Variants in PTPRD observed in about 807,000 individuals in gnomAD.
PTPRD encodes the protein protein tyrosine phosphatase receptor type D.
In PTPRD, 34 loss-of-function variants were observed where a neutral mutation model predicts 214.5. The ratio of observed to expected loss-of-function variants is 0.16; its 90% CI spans 0.12 to 0.21. PTPRD has a LOEUF of 0.21. PTPRD is among the 10% of genes least tolerant of loss of function. The pLI is 1.00. For synonymous variants in PTPRD, 1,128 were observed against 845.7 expected (o/e 1.33, Z -5.79); for missense variants, 2,545 against 2,398.7 (o/e 1.06, Z -1.27).
chr9:10,018,858 T>A (rs1434515569), intron 4 of PTPRD, among the ~76,000 whole-genome samples: 1 of 152,274 alleles, frequency 6.6e-6, no homozygotes, highest in East Asian at 1.9e-4. Flanking sequence ...CAGAATTACA[T>A]TTCTAATACA....
At chr9:9,947,393 ATAT>A (rs1315620188) in intron 4 of PTPRD, among the ~76,000 whole-genome samples, 7 of 45,584 alleles carry the variant, frequency 1.5e-4, no homozygotes, top group African/African-American at 6.0e-4. Flanking sequence ...TTTTATATAC[ATAT>A]TATATATAAT....
At chr9:9,746,064 A>G (rs1294425598) in intron 6 of PTPRD, among the ~76,000 whole-genome samples, 4 of 152,178 alleles carry the variant, frequency 2.6e-5, no homozygotes, top group Admixed American at 2.6e-4. Context: ...AAGTTTCCTC[A>G]GGAAACCCAA....
intron 3 of PTPRD, among the ~76,000 whole-genome samples, chr9:10,265,891 T>C (rs1419918054): frequency 2.0e-5 from 3 of 152,200 alleles, no homozygotes; most frequent in Non-Finnish European, 4.4e-5. Flanking sequence ...AGCATTACAG[T>C]AATCTAGTTT....
rs879045110 is a variant in PTPRD, at chr9:8,499,740, C to G, written c.2229G>C (p.Gln743His). The part of the protein sequence containing the change: ...RSPVPNKQHG[Q>H]IRGYQVHYVR... ...CATAATGCACCTGATATCCTCTTAT[C>G]TGGCCATGCTGTTTATTGGGCACGG... Residue 743 changes from glutamine to histidine, a missense_variant, in exon 25 of 46, where the codon CAG becomes CAC. Coordinates refer to ENST00000381196, the MANE Select transcript of PTPRD (RefSeq NM_002839.4). The G allele has an allele frequency of 1.9e-6, 3 of 1,614,158 alleles. No individual in the cohort carries two copies. Among genetic ancestry groups the G allele is most frequent in the East Asian group, 4.5e-5 (2 of 44,868 alleles).
intron 2 of PTPRD, among the ~76,000 whole-genome samples, chr9:10,483,024 C>T (rs1167689304): frequency 2.0e-5 from 3 of 152,002 alleles, no homozygotes; most frequent in Non-Finnish European, 4.4e-5. Flanking sequence ...TCGTATGACT[C>T]AACTTCAAAT....
chr9:10,549,402 A>G (rs1387603072), intron 2 of PTPRD, among the ~76,000 whole-genome samples: 1 of 152,158 alleles, frequency 6.6e-6, no homozygotes, highest in African/African-American at 2.4e-5. Flanking sequence ...AGTTGGGAAA[A>G]TAGAAAAAAA....
intron 5 of PTPRD, among the ~76,000 whole-genome samples, chr9:9,772,986 G>T (rs1246180221): frequency 6.6e-6 from 1 of 152,108 alleles, no homozygotes; most frequent in African/African-American, 2.4e-5. Flanking sequence ...TAAGCTAAAT[G>T]CCTTATCATA....
chr9:9,622,146 A>G lies in PTPRD; in HGVS notation c.-286-47365T>C, dbSNP rs559951271. On this transcript the variant is annotated intron_variant, in intron 7 of 45. Coordinates refer to ENST00000381196, the MANE Select transcript of PTPRD (RefSeq NM_002839.4). ...TGTGATTGTTTATCAGATAGGCAAT[A>G]AAAAGGCACTAATGTTCTTCAAATT... Among the ~76,000 whole-genome samples the G allele has an allele frequency of 7.2e-5, 11 of 152,366 alleles. No individual in the cohort carries two copies. The South Asian group carries it at 2.3e-3, about 32-fold the overall frequency.
chr9:9,740,519 G>T, intron 6 of PTPRD, among the ~76,000 whole-genome samples: 2 of 104,598 alleles, frequency 1.9e-5, no homozygotes, highest in East Asian at 4.0e-4. Flanking sequence ...CACCACGCCC[G>T]GCTAATTTTT....
At chr9:8,918,430 G>C (rs555251769) in intron 11 of PTPRD, among the ~76,000 whole-genome samples, 21 of 152,068 alleles carry the variant, frequency 1.4e-4, no homozygotes, top group Non-Finnish European at 3.1e-4. Context: ...GTGGATTTGA[G>C]GGATTTTTAG....
chr9:9,961,651 G>C (rs2094373310), intron 4 of PTPRD, among the ~76,000 whole-genome samples: 1 of 152,122 alleles, frequency 6.6e-6, no homozygotes, highest in Non-Finnish European at 1.5e-5. Flanking sequence ...TTATGACAGA[G>C]TGTGGGAAGC....
intron 4 of PTPRD, among the ~76,000 whole-genome samples, chr9:9,965,048 A>G (rs986921984): frequency 3.9e-5 from 6 of 152,196 alleles, no homozygotes; most frequent in Non-Finnish European, 5.9e-5. Flanking sequence ...GTAATAAATT[A>G]AGTCTGTTCA....
intron 10 of PTPRD, among the ~76,000 whole-genome samples, chr9:9,085,148 G>C (rs1391704257): frequency 6.6e-6 from 1 of 151,834 alleles, no homozygotes; most frequent in South Asian, 2.1e-4. Context: ...GATTTTTTTG[G>C]TCAACACTTA....
intron 4 of PTPRD, among the ~76,000 whole-genome samples, chr9:9,978,659 TATATA>T (rs2095440915): frequency 1.3e-5 from 2 of 152,238 alleles, no homozygotes; most frequent in South Asian, 2.1e-4. Flanking sequence ...TGTATAGATG[TATATA>T]ATATATGCAC....
rs562703453 is a variant in PTPRD, at chr9:9,957,881, G to A, written c.-471-19271C>T. ...GAAGATTAGCACTATAAGACAGGGT[G>A]AGAAAAAAAAAAAAATTAGAAGAGC... On this transcript the variant is annotated intron_variant, in intron 4 of 45. Coordinates refer to ENST00000381196, the MANE Select transcript of PTPRD (RefSeq NM_002839.4). Among the ~76,000 whole-genome samples the A allele has an allele frequency of 2.5e-3, 374 of 149,630 alleles. 1 individual carries two copies. Among genetic ancestry groups the A allele is most frequent in the African/African-American group, 8.7e-3 (353 of 40,724 alleles).
chr9:10,192,171 C>T (rs1168872397), intron 3 of PTPRD, among the ~76,000 whole-genome samples: 3 of 152,076 alleles, frequency 2.0e-5, no homozygotes, highest in East Asian at 3.9e-4. Flanking sequence ...GTTGAATGAG[C>T]TGCTGCCATT....
intron 5 of PTPRD, among the ~76,000 whole-genome samples, chr9:9,908,967 A>G (rs2078405304): frequency 6.6e-6 from 1 of 152,020 alleles, no homozygotes; most frequent in Non-Finnish European, 1.5e-5. Flanking sequence ...AAACTATTAT[A>G]TAGCAAGTGG....
chr9:9,766,272 T>G (rs1180474601), intron 6 of PTPRD, among the ~76,000 whole-genome samples: 1 of 152,210 alleles, frequency 6.6e-6, no homozygotes, highest in East Asian at 1.9e-4. Flanking sequence ...ACAGGCATTG[T>G]GTATTAACCT....
intron 3 of PTPRD, among the ~76,000 whole-genome samples, chr9:10,097,213 T>C (rs936862552): frequency 2.7e-5 from 4 of 149,088 alleles, no homozygotes; most frequent in South Asian, 2.2e-4. Context: ...ATTGACTTGG[T>C]AATGCGGGCT....
Sources: allele counts gnomAD v4.1 joint callset (sites outside exome capture counted in the v4.1 genomes callset), GRCh38; gene constraint gnomAD v4.1.1; transcripts MANE v1.5; gene names NCBI Gene and HGNC (gene_info 2026-07-23, HGNC 2026-07-21).